KCNIP4: variants seen among roughly 807,000 people sequenced by gnomAD.
KCNIP4 encodes the protein potassium voltage-gated channel interacting protein 4.
Under a neutral mutation model 34.0 loss-of-function variants are expected in KCNIP4, and 12 were observed. The ratio of observed to expected loss-of-function variants is 0.35; its 90% confidence interval spans 0.23 to 0.57. KCNIP4 has a LOEUF of 0.57. Ranked by LOEUF, KCNIP4 falls within the 20% of genes least tolerant of loss-of-function variation. The probability of loss-of-function intolerance (pLI) is 0.83; values close to 1 mark genes in which losing one functional copy is unlikely to be tolerated. For synonymous variants in KCNIP4, 124 were observed against 102.2 expected (o/e 1.21, Z -1.29); for missense variants, 238 against 311.7 (o/e 0.76, Z 1.78).
chr4:20,825,699 T>C (rs1200167843), intron 3 of KCNIP4, among the ~76,000 whole-genome samples: 1 of 152,096 alleles, frequency 6.6e-6, no homozygotes, highest in African/African-American at 2.4e-5. Context: ...TAATTTGAGA[T>C]TTATTACCAG....
chr4:21,350,692 G>A (rs13141872), intron 1 of KCNIP4, among the ~76,000 whole-genome samples: 3,882 of 152,226 alleles, frequency 0.026, 200 homozygotes, highest in East Asian at 0.2. Context: ...GTGCTAAGAT[G>A]AGGATTTCCA....
chr4:21,458,812 G>T (rs191876807), intron 1 of KCNIP4, among the ~76,000 whole-genome samples: 2 of 151,970 alleles, frequency 1.3e-5, no homozygotes, highest in Non-Finnish European at 2.9e-5. Flanking sequence ...GAAAATAGAA[G>T]CAATCAGAAG....
intron 4 of KCNIP4, among the ~76,000 whole-genome samples, chr4:20,751,672 C>G (rs898571312): frequency 6.6e-6 from 1 of 151,996 alleles, no homozygotes; most frequent in Non-Finnish European, 1.5e-5. Context: ...CTCAAAACAA[C>G]GATGTTTGCT....
At chr4:21,285,018 T>A (rs1763028939) in intron 1 of KCNIP4, among the ~76,000 whole-genome samples, 1 of 152,090 alleles carries the variant, frequency 6.6e-6, no homozygotes, top group Non-Finnish European at 1.5e-5. Context: ...ATGCCCCACC[T>A]TTTTCAGGCA....
chr4:21,317,227 A>C (rs914302923), intron 1 of KCNIP4, among the ~76,000 whole-genome samples: 1 of 152,184 alleles, frequency 6.6e-6, no homozygotes, highest in Non-Finnish European at 1.5e-5. Flanking sequence ...CTTAACTTAC[A>C]TGCCAACTAT....
At chr4:20,983,117 C>T (rs1231448266) in intron 1 of KCNIP4, among the ~76,000 whole-genome samples, 1 of 152,126 alleles carries the variant, frequency 6.6e-6, no homozygotes, top group East Asian at 1.9e-4. Context: ...TTAAAACTCT[C>T]CAATCTTTGA....
intron 1 of KCNIP4, among the ~76,000 whole-genome samples, chr4:21,320,043 A>G (rs533483926): frequency 9.8e-5 from 15 of 152,362 alleles, no homozygotes; most frequent in African/African-American, 3.6e-4. Context: ...CATCATCAGG[A>G]AAGTTTTCTA....
At chr4:20,921,387 C>T (rs1729377033) in intron 1 of KCNIP4, among the ~76,000 whole-genome samples, 1 of 152,146 alleles carries the variant, frequency 6.6e-6, no homozygotes, top group Non-Finnish European at 1.5e-5. Flanking sequence ...TTTAAAATTT[C>T]ACAGTACTTT....
intron 1 of KCNIP4, among the ~76,000 whole-genome samples, chr4:21,355,783 T>A (rs1718523324): frequency 6.6e-6 from 1 of 152,144 alleles, no homozygotes; most frequent in African/African-American, 2.4e-5. Flanking sequence ...AAAGAAGAAA[T>A]CTTCCCTAAC....
intron 5 of KCNIP4, among the ~76,000 whole-genome samples, chr4:20,746,571 C>T (rs1281591269): frequency 6.6e-6 from 1 of 152,026 alleles, no homozygotes; most frequent in Non-Finnish European, 1.5e-5. Flanking sequence ...CATCTAATAA[C>T]TACTGAGCAC....
In KCNIP4 at chr4:21,006,242, A is replaced by G. The variant is rs576165465; in HGVS notation, c.62-123533T>C. ...CAGAGGAGGAAATGGACACTAAAGA[A>G]TAAACAAGTAGATAAGAGAAATTTA... is the stretch of plus-strand genomic sequence containing the variant. On this transcript the variant is annotated intron_variant, in intron 1 of 8. Transcript: ENST00000382152. Among the ~76,000 whole-genome samples, 237 of 152,356 alleles carry G rather than the reference A, an allele frequency of 1.6e-3. 1 individual carries two copies. Among genetic ancestry groups the G allele is most frequent in the African/African-American group, 5.5e-3 (227 of 41,572 alleles).
intron 1 of KCNIP4, among the ~76,000 whole-genome samples, chr4:21,573,406 A>G (rs986426184): frequency 6.6e-6 from 1 of 152,012 alleles, no homozygotes; most frequent in African/African-American, 2.4e-5. Flanking sequence ...AGCACCTTAG[A>G]TATTTCTTTA....
At chr4:21,648,586 C>T (rs562449917) in intron 1 of KCNIP4, among the ~76,000 whole-genome samples, 1 of 152,218 alleles carries the variant, frequency 6.6e-6, no homozygotes, top group South Asian at 2.1e-4. Context: ...ATATGTTGAG[C>T]CAGTCGTTTA....
intron 1 of KCNIP4, among the ~76,000 whole-genome samples, chr4:21,014,959 G>A (rs1227478592): frequency 6.6e-6 from 1 of 152,150 alleles, no homozygotes; most frequent in Non-Finnish European, 1.5e-5. Context: ...TCTGACATAT[G>A]CTATGGCATT....
chr4:21,339,666 G>T (rs989337739), intron 1 of KCNIP4, among the ~76,000 whole-genome samples: 1 of 152,150 alleles, frequency 6.6e-6, no homozygotes, highest in Non-Finnish European at 1.5e-5. Context: ...AAGAAGCAAG[G>T]ATGGAAGCTT....
At chr4:21,910,560 C>T (rs190030131) in intron 1 of KCNIP4, among the ~76,000 whole-genome samples, 7 of 152,196 alleles carry the variant, frequency 4.6e-5, no homozygotes, top group Admixed American at 4.6e-4. Context: ...AAATTACAGA[C>T]TTTAGTTCTA....
chr4:21,681,869 C>T (rs1195322432), intron 1 of KCNIP4, among the ~76,000 whole-genome samples: 1 of 147,942 alleles, frequency 6.8e-6, no homozygotes, highest in Non-Finnish European at 1.5e-5. Context: ...AGGGGAATGC[C>T]ACACTTTTTT....
intron 1 of KCNIP4, among the ~76,000 whole-genome samples, chr4:21,731,852 G>C (rs1488801688): frequency 6.6e-6 from 1 of 151,972 alleles, no homozygotes; most frequent in East Asian, 1.9e-4. Context: ...CAGACAACTT[G>C]GCTAAATACA....
At chr4:21,900,395 T>C (rs1216330709) in intron 1 of KCNIP4, among the ~76,000 whole-genome samples, 1 of 152,186 alleles carries the variant, frequency 6.6e-6, no homozygotes, top group Non-Finnish European at 1.5e-5. Flanking sequence ...CTAATTTGGT[T>C]GACCGATTCA....
Sources: gnomAD v4.1 joint callset for allele counts (sites outside exome capture counted in the v4.1 genomes callset) on GRCh38, gnomAD v4.1.1 for gene constraint, MANE v1.5 for transcripts, NCBI Gene and HGNC (gene_info 2026-07-23, HGNC 2026-07-21) for gene names.